MPC1: variants seen among roughly 807,000 people sequenced by gnomAD.
The protein encoded by MPC1 is mitochondrial pyruvate carrier 1, also known as HSPC040 protein.
Under a neutral mutation model 13.9 loss-of-function variants are expected in MPC1, and 6 were observed. The ratio of observed to expected loss-of-function variants is 0.43; its 90% confidence interval spans 0.24 to 0.85. The LOEUF is 0.85. MPC1 is among the 40% of genes least tolerant of loss of function. The probability of loss-of-function intolerance (pLI) is 0.24; values close to 1 mark genes in which losing one functional copy is unlikely to be tolerated. For synonymous variants in MPC1, 47 were observed against 50.5 expected (o/e 0.93, Z 0.29); for missense variants, 115 against 143.3 (o/e 0.80, Z 1.01).
At chr6:166,375,514 G>A (rs953083892) in intron 1 of MPC1, among the ~76,000 whole-genome samples, 6 of 144,784 alleles carry the variant, frequency 4.1e-5, no homozygotes, top group African/African-American at 7.7e-5. Context: ...GAACCTTCTC[G>A]TTTTCTAATA....
chr6:166,379,117 A>G (rs1290031867), intron 1 of MPC1, among the ~76,000 whole-genome samples: 1 of 152,306 alleles, frequency 6.6e-6, no homozygotes, highest in East Asian at 1.9e-4. Context: ...CAAAGTCCAC[A>G]CATTATCTTT....
chr6:166,366,374 CTTTT>C (rs1294147011), intron 3 of MPC1, among the ~76,000 whole-genome samples: 2 of 152,122 alleles, frequency 1.3e-5, no homozygotes, highest in Non-Finnish European at 2.9e-5. Context: ...GTTCTAGACA[CTTTT>C]TTTGTCTCCT....
chr6:166,373,037 A>G (rs1034135105), intron 1 of MPC1, among the ~76,000 whole-genome samples: 3 of 152,208 alleles, frequency 2.0e-5, no homozygotes, highest in African/African-American at 7.2e-5. Context: ...AAATTGAACC[A>G]AAGTACAGAA....
intron 1 of MPC1, among the ~76,000 whole-genome samples, chr6:166,371,042 T>A (rs899469147): frequency 1.3e-5 from 2 of 152,238 alleles, no homozygotes; most frequent in African/African-American, 4.8e-5. Flanking sequence ...CAGCTTGAAC[T>A]AGTCACATTT....
chr6:166,382,681 G>A (rs950804669), intron 1 of MPC1, 125 bp downstream of exon 1: 3 of 985,960 alleles, frequency 3.0e-6, no homozygotes, highest in Admixed American at 4.0e-5. Context: ...CTCTCGCCTG[G>A]GCCCCGGCCC....
chr6:166,368,557 G>GC (rs1554265242), intron 2 of MPC1, among the ~76,000 whole-genome samples: 1 of 114,292 alleles, frequency 8.7e-6, no homozygotes, highest in Non-Finnish European at 1.7e-5. Context: ...CCGTCTCAGG[G>GC]AAAAAAAAAA....
chr6:166,382,845 T>C lies in MPC1; in HGVS notation c.32A>G (p.Asp11Gly). 6.3e-7 allele frequency: 1 copy of C among 1,596,196 alleles called. No homozygotes were observed. Among genetic ancestry groups the C allele is most frequent in the Non-Finnish European group, 8.5e-7 (1 of 1,173,226 alleles). The part of the protein sequence containing the change: MAGALVRKAA[D>G]YVRSKDFRDY... ...CCGGAAATCCTTGCTTCGGACATAG[T>C]CCGCCGCTTTCCGCACCAACGCGCC... Residue 11 changes from aspartate (D) to glycine (G), a missense_variant, in exon 1 of 5, where the codon GAC becomes GGC. Transcript: ENST00000360961.
rs1298544267 is a variant in MPC1 at position 166,371,473 on chromosome 6, TGAAA to T, written c.72-1256_72-1253del. 2.0e-5 allele frequency among the ~76,000 whole-genome samples: 3 copies of T among 152,282 alleles called. No homozygotes were observed. The South Asian group carries it at 6.2e-4, about 32-fold the overall frequency. ...GGGCAAAATCTCAAAGTTGAGCTAC[TGAAA>T]GAGTTATTGAAATAAAATAATAAAA... On this transcript the variant is annotated intron_variant, in intron 1 of 4. Transcript: ENST00000360961.
In MPC1 at chr6:166,365,491, AAATTTCAATGCC is replaced by A; in HGVS notation, c.306-50_306-39del. 1 of 1,542,672 alleles carries A rather than the reference AAATTTCAATGCC, an allele frequency of 6.5e-7. No individual in the cohort carries two copies. The highest frequency in any genetic ancestry group is 8.8e-7 in the Non-Finnish European group (1 of 1,140,500). ...AAAAAGAAAAATTCAATGAGAAACA[AAATTTCAATGCC>A]AATCGCAAGGGCTTTGGATGGCTTT... On this transcript the variant is annotated intron_variant, in intron 4 of 4. Transcript: ENST00000360961. The surrounding 1 kb of genome is among the most constrained non-coding windows in gnomAD (Gnocchi z 4.2).
At chr6:166,380,761 G>C (rs745453689) in intron 1 of MPC1, among the ~76,000 whole-genome samples, 1 of 151,952 alleles carries the variant, frequency 6.6e-6, no homozygotes, top group Non-Finnish European at 1.5e-5. Context: ...CCAACATGGA[G>C]AAACCCCGTC....
At chr6:166,380,975 CG>C (rs1779758590) in intron 1 of MPC1, among the ~76,000 whole-genome samples, 1 of 135,750 alleles carries the variant, frequency 7.4e-6, no homozygotes, top group Admixed American at 7.4e-5. Flanking sequence ...GAAAAGAAAA[CG>C]GTTAAGTAAT....
intron 3 of MPC1, 98 bp from the exon 4 acceptor site, chr6:166,366,204 A>G (rs1158471696): frequency 1.5e-6 from 2 of 1,339,212 alleles, no homozygotes; most frequent in Admixed American, 5.3e-5. Context: ...CTGATCAAAA[A>G]AGAACCTCTT....
chr6:166,370,374 T>C, intron 1 of MPC1, 153 bp from the exon 2 acceptor site: 1 of 562,872 alleles, frequency 1.8e-6, no homozygotes, highest in South Asian at 2.4e-5. Flanking sequence ...GTGTACATTC[T>C]TTTATTATTT....
intron 3 of MPC1, among the ~76,000 whole-genome samples, chr6:166,366,437 C>T (rs923237100): frequency 8.5e-5 from 13 of 152,122 alleles, no homozygotes; most frequent in African/African-American, 2.9e-4. Flanking sequence ...TTATTTATTC[C>T]CTCCACAATA....
intron 1 of MPC1, among the ~76,000 whole-genome samples, chr6:166,381,610 C>T (rs1192836900): frequency 1.3e-5 from 2 of 152,198 alleles, no homozygotes; most frequent in Non-Finnish European, 2.9e-5. Context: ...TAACCTAAAA[C>T]TGCTTCAAAG....
chr6:166,370,426 T>A, intron 1 of MPC1: 1 of 531,984 alleles, frequency 1.9e-6, no homozygotes, highest in East Asian at 3.1e-5. Flanking sequence ...GAACTTTGAC[T>A]TCATGAAATT....
intron 1 of MPC1, among the ~76,000 whole-genome samples, chr6:166,376,867 T>C (rs1779587478): frequency 6.6e-6 from 1 of 152,272 alleles, no homozygotes; most frequent in Non-Finnish European, 1.5e-5. Flanking sequence ...GTGGGTTTCT[T>C]GTAGACAATG....
intron 1 of MPC1, 54 bp from the exon 2 acceptor site, chr6:166,370,275 A>T (rs375114109): frequency 2.8e-6 from 2 of 714,656 alleles, no homozygotes; most frequent in African/African-American, 3.5e-5. Flanking sequence ...GAAAAAAAAG[A>T]AACAAAAATC....
At chr6:166,377,147 CTTTT>C (rs34639126) in intron 1 of MPC1, among the ~76,000 whole-genome samples, 1 of 138,336 alleles carries the variant, frequency 7.2e-6, no homozygotes. Flanking sequence ...ATTATTTATT[CTTTT>C]TTTTTTTTTT....
Sources: gnomAD v4.1 joint callset for allele counts (sites outside exome capture counted in the v4.1 genomes callset) on GRCh38, gnomAD v4.1.1 for gene constraint, Gnocchi (gnomAD v3.1) non-coding constraint, MANE v1.5 for transcripts, NCBI Gene and HGNC (gene_info 2026-07-23, HGNC 2026-07-21) for gene names.